ZNF404: variants seen among roughly 807,000 people sequenced by gnomAD.
The protein encoded by ZNF404 is zinc finger protein 404.
In ZNF404, 7 loss-of-function variants were observed where a neutral mutation model predicts 7.3. The ratio of observed to expected loss-of-function variants is 0.95; its 90% CI spans 0.54 to 1.79. The LOEUF is 1.79. Among genes scored for constraint, ZNF404 ranks in the 40% most tolerant of loss-of-function variants. ZNF404 has a pLI of 0.00. For missense variants in ZNF404, 560 were observed against 661.5 expected, an observed-to-expected ratio of 0.85 and a Z score of 1.68; for synonymous variants, 191 against 209.9, an observed-to-expected ratio of 0.91 and a Z score of 0.78.
chr19:43,876,812 TC>T (rs1290607161), intron 2 of ZNF404, among the ~76,000 whole-genome samples: 1 of 152,202 alleles, frequency 6.6e-6, no homozygotes, highest in African/African-American at 2.4e-5. Flanking sequence ...CTGGTATTCT[TC>T]CCCAAAGCCG....
chr19:43,875,273 T>A (rs560591282), intron 2 of ZNF404, among the ~76,000 whole-genome samples: 2 of 152,180 alleles, frequency 1.3e-5, no homozygotes, highest in Non-Finnish European at 2.9e-5. Flanking sequence ...GCATTAATTT[T>A]TACTGTAATG....
At chr19:43,876,032 T>C (rs558995452) in intron 2 of ZNF404, among the ~76,000 whole-genome samples, 305 of 152,286 alleles carry the variant, frequency 2.0e-3, no homozygotes, top group Middle Eastern at 6.8e-3. Flanking sequence ...ATTTAAAAAT[T>C]AGGGAAAACA....
chr19:43,882,469 A>G (rs1261240384), intron 1 of ZNF404, among the ~76,000 whole-genome samples: 1 of 152,212 alleles, frequency 6.6e-6, no homozygotes, highest in Non-Finnish European at 1.5e-5. Context: ...CAACACCAAC[A>G]GTACAATCCC....
intron 1 of ZNF404, among the ~76,000 whole-genome samples, chr19:43,882,650 G>T: frequency 6.6e-6 from 1 of 152,120 alleles, no homozygotes; most frequent in African/African-American, 2.4e-5. Context: ...AAATGGCCAA[G>T]TATGGTGGCT....
chr19:43,878,292 G>A (rs1971866844), intron 2 of ZNF404, among the ~76,000 whole-genome samples: 1 of 150,316 alleles, frequency 6.7e-6, no homozygotes, highest in Non-Finnish European at 1.5e-5. Context: ...GTGTGAGATG[G>A]TATCTCATTG....
intron 1 of ZNF404, among the ~76,000 whole-genome samples, chr19:43,883,573 A>T (rs1971914318): frequency 6.6e-6 from 1 of 152,132 alleles, no homozygotes; most frequent in Admixed American, 6.6e-5. Flanking sequence ...CCCTTATCTA[A>T]CTGTGGAGAT....
rs1433711004 is a variant in ZNF404, at chr19:43,874,095, A to G, written c.137-18T>C. On this transcript the variant is annotated intron_variant, in intron 2 of 2. Coordinates refer to ENST00000587539, the MANE Select transcript of ZNF404 (RefSeq NM_001033719.3). ...ATTAAAGTCTGGAAGAAAATGAAAA[A>G]ACAAACAAATGCTATTTTCCAATAA... 1 of 1,498,318 alleles carries G rather than the reference A, an allele frequency of 6.7e-7. No individual in the cohort carries two copies. Among genetic ancestry groups the G allele is most frequent in the African/African-American group, 1.4e-5 (1 of 70,766 alleles). The allele number at this position is 1,498,318 out of a possible 1,614,324, so 92.8% of individuals were successfully genotyped here.
Position 43,873,731 on chromosome 19 carries a change from A to C in ZNF404, c.483T>G (p.Cys161Trp), listed in dbSNP as rs768128086. The C allele has an allele frequency of 8.1e-6, 13 of 1,608,616 alleles. 1 individual carries two copies. Among genetic ancestry groups the C allele is most frequent in the Middle Eastern group, 3.3e-4 (2 of 6,052 alleles). The change falls in exon 3 of 3, where the codon TGT (cysteine) becomes TGG (tryptophan). Residue 161 changes from cysteine to tryptophan, a missense_variant. By Grantham distance (215) the Cys-to-Trp change is radical. Coordinates refer to ENST00000587539, the MANE Select transcript of ZNF404 (RefSeq NM_001033719.3). ...RDHTGVIPYE[C>W]NECGKAFVVF... ...CTACAAATGCTTTTCCACATTCATT[A>C]CATTCATAGGGTATCACACCAGTAT...
intron 1 of ZNF404, among the ~76,000 whole-genome samples, chr19:43,881,374 G>A (rs1044979350): frequency 7.9e-5 from 12 of 152,158 alleles, no homozygotes; most frequent in Non-Finnish European, 1.8e-4. Flanking sequence ...TATCAAGTGA[G>A]TTAGCAAGCT....
At chr19:43,878,983 C>T (rs919221008) in intron 2 of ZNF404, among the ~76,000 whole-genome samples, 30 of 152,198 alleles carry the variant, frequency 2.0e-4, no homozygotes, top group African/African-American at 6.3e-4. Flanking sequence ...AGCATACAAT[C>T]ACAACTACTA....
At chr19:43,882,268 T>TAA (rs1332818080) in intron 1 of ZNF404, among the ~76,000 whole-genome samples, 1 of 152,092 alleles carries the variant, frequency 6.6e-6, no homozygotes, top group Non-Finnish European at 1.5e-5. Flanking sequence ...GACCGTCTTT[T>TAA]AAAAAAATGG....
In ZNF404 at chr19:43,873,262, G is replaced by C. The variant is rs764868498; in HGVS notation, c.952C>G (p.Gln318Glu). The C allele has an allele frequency of 7.4e-6, 12 of 1,613,560 alleles. No homozygotes were observed. Among genetic ancestry groups the C allele is most frequent in the Non-Finnish European group, 6.8e-6 (8 of 1,179,668 alleles). Residue 318 changes from glutamine (Q) to glutamate (E), a missense_variant, in exon 3 of 3, where the codon CAA (glutamine) becomes GAA (glutamate). By Grantham distance (29) the Gln-to-Glu change is conservative. Transcript: ENST00000587539. The stretch of plus-strand genomic sequence containing the variant: ...GGTTTCTCACCAGTATGACTTCTTT[G>C]ATGTTCAACAAGTAGATAGCTGCGA... ...FVRSYLLVEHQRSHTGEKPHE... is the reference protein window; with the variant it reads ...FVRSYLLVEHERSHTGEKPHE...
chr19:43,873,670 T>C lies in ZNF404; in HGVS notation c.544A>G (p.Thr182Ala). 1 of 1,613,370 alleles carries C rather than the reference T, an allele frequency of 6.2e-7. No individual in the cohort carries two copies. The highest frequency in any genetic ancestry group is 2.2e-5 in the East Asian group (1 of 44,868). ...QHFIRHRKIH[T>A]DLKPYECNGC... is the part of the protein sequence containing the mutation. ...TTGCATTCATAGGGTTTCAAATCAGTGTGGATTTTTCGATGTCTAATAAAA... is the reference window on the plus strand; with the variant it reads ...TTGCATTCATAGGGTTTCAAATCAGCGTGGATTTTTCGATGTCTAATAAAA... The change falls in exon 3 of 3, where the codon ACT (threonine) becomes GCT (alanine). Residue 182 changes from threonine to alanine, a missense_variant. By Grantham distance (58) the Thr-to-Ala change is moderately conservative. Transcript: ENST00000587539.
intron 2 of ZNF404, among the ~76,000 whole-genome samples, 198 bp from the exon 3 acceptor site, chr19:43,874,275 G>A (rs1971836649): frequency 6.6e-6 from 1 of 152,098 alleles, no homozygotes; most frequent in Admixed American, 6.5e-5. Flanking sequence ...ACAGGAGGAT[G>A]TAAGATTTAT....
At position 43,873,792 on chromosome 19, in the gene ZNF404, C is replaced by CTTTTTTTTTTTTTT. The variant is rs1971831994; in HGVS notation, c.421_422insAAAAAAAAAAAAAA (p.Arg141LysfsTer15). Reference sequence around the variant, plus strand: ...ATGTTCAGTAAGGTGCAAATATTTTCTAAAGCCCTTCTTATATTCCTTACA... The same window carrying CTTTTTTTTTTTTTT: ...ATGTTCAGTAAGGTGCAAATATTTTCTTTTTTTTTTTTTTTAAAGCCCTTCTTATATTCCTTACA... On this transcript the variant is annotated frameshift_variant, in exon 3 of 3. Transcript: ENST00000587539. LOFTEE classifies it low-confidence loss of function (END_TRUNC). The CTTTTTTTTTTTTTT allele has an allele frequency of 6.2e-7, 1 of 1,611,904 alleles. No homozygotes were observed. The highest frequency in any genetic ancestry group is 1.4e-5 in the African/African-American group (1 of 73,436).
chr19:43,873,641 T>G lies in ZNF404; in HGVS notation c.573A>C (p.Gly191=). The change falls in exon 3 of 3, where the codon GGA becomes GGC. Residue 191 remains glycine, a synonymous_variant. Transcript: ENST00000587539. The stretch of plus-strand genomic sequence containing the variant: ...AATAAAACCTAAAGGCCTTCTCACA[T>G]CCATTGCATTCATAGGGTTTCAAAT... ...HTDLKPYECN[G]CEKAFRFYSQ... is the part of the protein sequence containing the mutation. 6.2e-7 allele frequency: 1 copy of G among 1,613,434 alleles called. No homozygotes were observed. The highest frequency in any genetic ancestry group is 8.5e-7 in the Non-Finnish European group (1 of 1,179,644).
chr19:43,878,771 A>G lies in ZNF404; in HGVS notation c.136+1239T>C, dbSNP rs1971871924. Among the ~76,000 whole-genome samples, 3 of 152,202 alleles carry G rather than the reference A, an allele frequency of 2.0e-5. No homozygotes were observed. The South Asian group carries it at 6.2e-4, about 32-fold the overall frequency. Reference sequence around the variant, plus strand: ...CTGAAAAAACTCCCTGATTCTAAGTACAGCAGGAGTTAAAAGAACAGCGTT... The same window carrying G: ...CTGAAAAAACTCCCTGATTCTAAGTGCAGCAGGAGTTAAAAGAACAGCGTT... On this transcript the variant is annotated intron_variant, in intron 2 of 2. Transcript: ENST00000587539.
At chr19:43,881,585 A>G (rs190566652) in intron 1 of ZNF404, 1 of 152,302 alleles carries the variant, frequency 6.6e-6, no homozygotes, top group East Asian at 1.9e-4. Context: ...AAACAAATAG[A>G]AAGCTATAAT....
chr19:43,872,623 C>CTAAG lies in ZNF404; in HGVS notation c.1590_1591insCTTA (p.Ala531LeufsTer4). 1 of 1,612,136 alleles carries CTAAG rather than the reference C, an allele frequency of 6.2e-7. No individual in the cohort carries two copies. On this transcript the variant is annotated frameshift_variant, in exon 3 of 3. Transcript: ENST00000587539. LOFTEE classifies it low-confidence loss of function (END_TRUNC). This position sits in a 1 kb window ranked among gnomAD's most constrained non-coding sequence, Gnocchi z 4.4. ...CTAAGTTGATAGCAATGACTAAAGG[C>CTAAG]CTTACCACATTCTTTGCATTTCTGT... is the stretch of plus-strand genomic sequence containing the variant.
Sources: gnomAD v4.1 joint callset for allele counts (sites outside exome capture counted in the v4.1 genomes callset) on GRCh38, gnomAD v4.1.1 for gene constraint, Gnocchi (gnomAD v3.1) non-coding constraint, MANE v1.5 for transcripts, NCBI Gene and HGNC (gene_info 2026-07-23, HGNC 2026-07-21) for gene names.